TEAD1: variants seen among roughly 807,000 people sequenced by gnomAD.
The protein encoded by TEAD1 is transcriptional enhancer factor TEF-1.
Under a neutral mutation model 54.9 loss-of-function variants are expected in TEAD1, and 9 were observed. The observed-to-expected ratio is 0.16, with a 90% CI of 0.10 to 0.29. The LOEUF (loss-of-function observed/expected upper bound fraction) is 0.29. Ranked by LOEUF, TEAD1 falls within the 10% of genes least tolerant of loss-of-function variation. The pLI is 1.00. For synonymous variants in TEAD1, 200 were observed against 187.8 expected, an observed-to-expected ratio of 1.07 and a Z score of -0.53; for missense variants, 387 against 535.9, an observed-to-expected ratio of 0.72 and a Z score of 2.74.
chr11:12,896,906 A>G lies in TEAD1; in HGVS notation c.700-5034A>G, dbSNP rs16911730. Among the ~76,000 whole-genome samples the G allele has an allele frequency of 6.5e-3, 993 of 152,316 alleles. 14 individuals are homozygous for G. The highest frequency in any genetic ancestry group is 0.023 in the African/African-American group (946 of 41,572). On this transcript the variant is annotated intron_variant, in intron 9 of 12. Coordinates refer to ENST00000527636, the MANE Select transcript of TEAD1 (RefSeq NM_021961.6). Reference sequence around the variant, plus strand: ...GATGATAGGTGTGCTGGTTCATTCTATTAAAATCTGTAAAACAGGCAGAGT... The same window carrying G: ...GATGATAGGTGTGCTGGTTCATTCTGTTAAAATCTGTAAAACAGGCAGAGT...
intron 2 of TEAD1, among the ~76,000 whole-genome samples, chr11:12,748,661 C>G (rs1442692726): frequency 6.6e-6 from 1 of 151,998 alleles, no homozygotes; most frequent in Non-Finnish European, 1.5e-5. Flanking sequence ...TGGCATAAAG[C>G]TGGGAATCTC....
chr11:12,784,877 T>C (rs939111034), intron 3 of TEAD1, among the ~76,000 whole-genome samples: 1 of 152,180 alleles, frequency 6.6e-6, no homozygotes, highest in Non-Finnish European at 1.5e-5. Flanking sequence ...CCACCCATGT[T>C]AACTGTAGCT....
intron 2 of TEAD1, among the ~76,000 whole-genome samples, chr11:12,717,263 T>C (rs1944085557): frequency 2.0e-5 from 3 of 152,174 alleles, no homozygotes. Context: ...GTGTGCTTGG[T>C]ATTGTGTGTT....
chr11:12,789,811 T>C (rs1011185084), intron 3 of TEAD1, among the ~76,000 whole-genome samples: 9 of 152,328 alleles, frequency 5.9e-5, no homozygotes, highest in African/African-American at 1.9e-4. Context: ...GAGGCATTGC[T>C]CCGAGTTGGG....
Position 12,942,288 on chromosome 11 carries a change from C to G in TEAD1, c.*5066C>G, listed in dbSNP as rs1430484655. ...TAATAACGATAATTTGTAGAGAGAC[C>G]AAAAATATTTTGAGATCACCGTAAT... On this transcript the variant is annotated 3_prime_UTR_variant, in exon 13 of 13. Transcript: ENST00000527636. 6.6e-6 allele frequency: 1 copy of G among 152,540 alleles called. No individual in the cohort carries two copies. The highest frequency in any genetic ancestry group is 2.4e-5 in the African/African-American group (1 of 41,424). 9.4% of individuals were successfully genotyped at this position (152,540 alleles called of 1,614,324 possible).
chr11:12,836,248 GTC>G (rs1946889859), intron 3 of TEAD1, among the ~76,000 whole-genome samples: 2 of 151,760 alleles, frequency 1.3e-5, no homozygotes, highest in Non-Finnish European at 2.9e-5. Context: ...GTGAAACCCT[GTC>G]TCTACTAAAA....
intron 2 of TEAD1, among the ~76,000 whole-genome samples, chr11:12,754,538 A>T (rs984920174): frequency 6.6e-6 from 1 of 152,188 alleles, no homozygotes; most frequent in African/African-American, 2.4e-5. Context: ...TGAAAATATA[A>T]ACAGTGGGAA....
intron 3 of TEAD1, among the ~76,000 whole-genome samples, chr11:12,821,789 T>C (rs763256038): frequency 6.6e-6 from 1 of 152,048 alleles, no homozygotes; most frequent in Non-Finnish European, 1.5e-5. Flanking sequence ...AGCATTGATA[T>C]GAATGCTTTT....
intron 10 of TEAD1, among the ~76,000 whole-genome samples, chr11:12,906,855 G>A (rs1252875348): frequency 6.6e-6 from 1 of 152,138 alleles, no homozygotes; most frequent in Non-Finnish European, 1.5e-5. Context: ...TGTAGAATTA[G>A]TGTCCCATCC....
intron 3 of TEAD1, among the ~76,000 whole-genome samples, chr11:12,821,608 C>G (rs1328332601): frequency 6.6e-6 from 1 of 151,970 alleles, no homozygotes. Context: ...TCTGGAGGAC[C>G]ATGACTTTTA....
intron 7 of TEAD1, 48 bp from the exon 8 acceptor site, chr11:12,881,848 G>A: frequency 6.2e-7 from 1 of 1,600,264 alleles, no homozygotes. Context: ...AATAGCCCCT[G>A]CTGCAGATGC....
At chr11:12,758,216 C>T (rs1234549196) in intron 2 of TEAD1, among the ~76,000 whole-genome samples, 1 of 151,080 alleles carries the variant, frequency 6.6e-6, no homozygotes, top group Non-Finnish European at 1.5e-5. Flanking sequence ...CAAACCAACT[C>T]ACTAAGTTTT....
chr11:12,876,346 G>T (rs1947853835), intron 5 of TEAD1, among the ~76,000 whole-genome samples: 1 of 152,140 alleles, frequency 6.6e-6, no homozygotes, highest in African/African-American at 2.4e-5. Flanking sequence ...ACTCAATAAA[G>T]CGGGATGTGG....
intron 2 of TEAD1, among the ~76,000 whole-genome samples, chr11:12,746,540 G>A (rs768992948): frequency 3.3e-5 from 5 of 152,226 alleles, no homozygotes; most frequent in Non-Finnish European, 7.3e-5. Context: ...TACTAAATGA[G>A]GTACTGAAGA....
rs527489699 is a variant in TEAD1 at position 12,766,566 on chromosome 11, A to G, written c.202+2132A>G. On this transcript the variant is annotated intron_variant, in intron 3 of 12. Transcript: ENST00000527636. The stretch of plus-strand genomic sequence containing the variant: ...TTGGACTCTTCCATTTTGTGATGCT[A>G]TGGTTTTGTTTCTTGTCACTGAGCA... 1.4e-3 allele frequency among the ~76,000 whole-genome samples: 217 copies of G among 152,260 alleles called. 2 individuals are homozygous for G. The highest frequency in any genetic ancestry group is 1.7e-3 in the Non-Finnish European group (118 of 68,004).
At chr11:12,757,554 G>A (rs1464129486) in intron 2 of TEAD1, among the ~76,000 whole-genome samples, 2 of 152,088 alleles carry the variant, frequency 1.3e-5, no homozygotes. Context: ...CCAACTCTTC[G>A]TTATTTACAC....
At chr11:12,715,943 G>T (rs1944051408) in intron 2 of TEAD1, among the ~76,000 whole-genome samples, 1 of 151,994 alleles carries the variant, frequency 6.6e-6, no homozygotes, top group African/African-American at 2.4e-5. Flanking sequence ...AGACCAACAA[G>T]AACAATCGTA....
chr11:12,838,950 G>T (rs187563592), intron 3 of TEAD1, among the ~76,000 whole-genome samples: 3 of 152,128 alleles, frequency 2.0e-5, no homozygotes, highest in African/African-American at 7.2e-5. Flanking sequence ...AATCTGTGCC[G>T]CTCAAACTGG....
intron 5 of TEAD1, among the ~76,000 whole-genome samples, chr11:12,877,935 C>T (rs1947887073): frequency 6.6e-6 from 1 of 151,762 alleles, no homozygotes; most frequent in African/African-American, 2.4e-5. Context: ...GTAGCTGGAA[C>T]CACAGAAGTA....
Sources: allele counts gnomAD v4.1 joint callset (sites outside exome capture counted in the v4.1 genomes callset), GRCh38; gene constraint gnomAD v4.1.1; transcripts MANE v1.5; gene names NCBI Gene and HGNC (gene_info 2026-07-23, HGNC 2026-07-21).